PPP2R2B: variants seen among roughly 807,000 people sequenced by gnomAD.
PPP2R2B encodes the protein serine/threonine-protein phosphatase 2A 55 kDa regulatory subunit B beta isoform.
PPP2R2B carries 5 observed loss-of-function variants against 46.0 expected under a neutral mutation model. That is an observed-to-expected ratio of 0.11 (90% CI 0.06 to 0.23). PPP2R2B has a LOEUF of 0.23. PPP2R2B is among the 10% of genes least tolerant of loss of function. PPP2R2B has a pLI of 1.00. For missense variants in PPP2R2B, 367 were observed against 575.0 expected (o/e 0.64, Z 3.70); for synonymous variants, 215 against 206.7 (o/e 1.04, Z -0.34).
intron 7 of PPP2R2B, among the ~76,000 whole-genome samples, chr5:146,602,354 G>A (rs1018503947): frequency 1.3e-5 from 2 of 152,098 alleles, no homozygotes; most frequent in African/African-American, 2.4e-5. Flanking sequence ...TTGCTTCACT[G>A]GAGCCAAAGC....
At chr5:146,594,235 A>G (rs1171176757) in intron 8 of PPP2R2B, among the ~76,000 whole-genome samples, 2 of 152,196 alleles carry the variant, frequency 1.3e-5, no homozygotes, top group Non-Finnish European at 2.9e-5. Flanking sequence ...AGCAGCCAGC[A>G]TGGTTATCAA....
At chr5:146,979,113 T>G (rs924915373) in intron 1 of PPP2R2B, among the ~76,000 whole-genome samples, 4 of 152,198 alleles carry the variant, frequency 2.6e-5, no homozygotes, top group African/African-American at 9.6e-5. Context: ...TCCTTGCTAT[T>G]TCTCTAATAG....
At chr5:147,012,215 T>G (rs1754773071) in intron 1 of PPP2R2B, among the ~76,000 whole-genome samples, 2 of 152,106 alleles carry the variant, frequency 1.3e-5, no homozygotes, top group Admixed American at 1.3e-4. Context: ...TCCTGGACTC[T>G]TTTTGGTTGG....
At chr5:146,865,307 C>T (rs1421686775) in intron 2 of PPP2R2B, among the ~76,000 whole-genome samples, 5 of 151,610 alleles carry the variant, frequency 3.3e-5, no homozygotes, top group Non-Finnish European at 7.4e-5. Context: ...CACACACACA[C>T]ACACACACAC....
rs932288147 is a variant in PPP2R2B at position 146,587,447 on chromosome 5, T to C, written c.*2500A>G. On this transcript the variant is annotated 3_prime_UTR_variant, in exon 10 of 10. Coordinates refer to ENST00000394411, the MANE Select transcript of PPP2R2B (RefSeq NM_181675.4). ...TACTCTGGATCCCAGTTTGTACATC[T>C]ATATGCTAAGGGTGTTGGACTAGTG... The C allele has an allele frequency of 2.0e-5, 3 of 152,260 alleles. No individual in the cohort carries two copies. The allele number at this position is 152,260 out of a possible 1,614,324, so 9.4% of individuals were successfully genotyped here.
At chr5:146,829,715 A>G (rs890001603) in intron 2 of PPP2R2B, among the ~76,000 whole-genome samples, 11 of 152,222 alleles carry the variant, frequency 7.2e-5, no homozygotes, top group Admixed American at 6.5e-4. Flanking sequence ...GAAAACCAGG[A>G]TGTCTCAAAC....
chr5:146,640,791 A>G (rs796486990), intron 6 of PPP2R2B, among the ~76,000 whole-genome samples: 6 of 152,344 alleles, frequency 3.9e-5, no homozygotes, highest in African/African-American at 1.2e-4. Flanking sequence ...GTGCCTAAAC[A>G]TGTCTATGAA....
intron 2 of PPP2R2B, among the ~76,000 whole-genome samples, chr5:146,850,077 G>T (rs1434683603): frequency 6.6e-6 from 1 of 152,180 alleles, no homozygotes; most frequent in East Asian, 1.9e-4. Flanking sequence ...GTGACACTCT[G>T]CATTAACGAT....
chr5:146,765,251 C>T (rs1366127093), intron 2 of PPP2R2B, among the ~76,000 whole-genome samples: 2 of 152,184 alleles, frequency 1.3e-5, no homozygotes, highest in Non-Finnish European at 2.9e-5. Context: ...TGAATGCTTT[C>T]ACATCCCTTA....
chr5:146,963,740 GC>G (rs2151843516), intron 1 of PPP2R2B, among the ~76,000 whole-genome samples: 2 of 152,272 alleles, frequency 1.3e-5, no homozygotes, highest in South Asian at 4.1e-4. Flanking sequence ...AAGTCACACT[GC>G]TAACACCTTG....
In PPP2R2B at chr5:146,632,773, G is replaced by A. The variant is rs192176492; in HGVS notation, c.790+5478C>T. On this transcript the variant is annotated intron_variant, in intron 7 of 9. Coordinates refer to ENST00000394411, the MANE Select transcript of PPP2R2B (RefSeq NM_181675.4). ...AGTCAGTACAGGCCAGACAGGTAGA[G>A]TGTGTGGGGGGCAGGGAGAATTCCA... 1.7e-4 allele frequency among the ~76,000 whole-genome samples: 26 copies of A among 152,278 alleles called. No individual in the cohort carries two copies. The East Asian group carries it at 4.8e-3, about 28-fold the overall frequency.
intron 2 of PPP2R2B, chr5:146,856,367 G>A: frequency 1.5e-6 from 1 of 647,256 alleles, no homozygotes; most frequent in Non-Finnish European, 2.6e-6. Context: ...CAAATTTTAA[G>A]CAACTGGAAC....
At chr5:146,619,053 C>G (rs1054879951) in intron 7 of PPP2R2B, among the ~76,000 whole-genome samples, 1 of 152,272 alleles carries the variant, frequency 6.6e-6, no homozygotes, top group South Asian at 2.1e-4. Context: ...ATATTACTCT[C>G]TACTTCATTC....
chr5:146,840,096 G>C (rs1223765886), intron 2 of PPP2R2B, among the ~76,000 whole-genome samples: 1 of 152,178 alleles, frequency 6.6e-6, no homozygotes, highest in African/African-American at 2.4e-5. Flanking sequence ...TAATTATGTT[G>C]ATTCTGTTTT....
chr5:146,931,812 GA>G (rs1763978115), intron 1 of PPP2R2B, among the ~76,000 whole-genome samples: 1 of 152,104 alleles, frequency 6.6e-6, no homozygotes. Context: ...ACTATAAATG[GA>G]AAACACTTCT....
At chr5:146,643,543 G>A (rs562338786) in intron 6 of PPP2R2B, among the ~76,000 whole-genome samples, 1 of 152,326 alleles carries the variant, frequency 6.6e-6, no homozygotes, top group South Asian at 2.1e-4. Context: ...GAAGCTAAGA[G>A]GATGCAAAGG....
chr5:146,811,749 A>ATTT (rs1757563562), intron 2 of PPP2R2B, among the ~76,000 whole-genome samples: 1 of 131,406 alleles, frequency 7.6e-6, no homozygotes, highest in African/African-American at 2.9e-5. Context: ...TTTTTTTTTC[A>ATTT]GTAGAGACGG....
chr5:146,779,101 A>C (rs774233031), intron 2 of PPP2R2B, among the ~76,000 whole-genome samples: 1 of 152,202 alleles, frequency 6.6e-6, no homozygotes, highest in Non-Finnish European at 1.5e-5. Context: ...TCTCTCAAAG[A>C]AAGTAGCTGG....
At chr5:146,983,534 A>T (rs13159496) in intron 1 of PPP2R2B, among the ~76,000 whole-genome samples, 72,445 of 151,968 alleles carry the variant, frequency 0.48, 18,794 homozygotes, top group Middle Eastern at 0.6. Context: ...ATATTACATT[A>T]TATAAACAAA....
Sources: gnomAD v4.1 joint callset for allele counts (sites outside exome capture counted in the v4.1 genomes callset) on GRCh38, gnomAD v4.1.1 for gene constraint, MANE v1.5 for transcripts, NCBI Gene and HGNC (gene_info 2026-07-23, HGNC 2026-07-21) for gene names.